Variants in NDUFB8 observed in about 807,000 individuals in gnomAD.
The protein encoded by NDUFB8 is NADH:ubiquinone oxidoreductase subunit B8, also known as NADH dehydrogenase [ubiquinone] 1 beta subcomplex subunit 8, mitochondrial.
A neutral mutation model predicts 26.0 loss-of-function variants in NDUFB8; 17 were observed. The ratio of observed to expected loss-of-function variants is 0.65; its 90% CI spans 0.45 to 0.98. NDUFB8 has a LOEUF of 0.98. Ranked by LOEUF, NDUFB8 falls within the 50% of genes least tolerant of loss-of-function variation. The pLI, the probability that NDUFB8 is intolerant of heterozygous loss-of-function variation, is 0.00. For synonymous variants in NDUFB8, 89 were observed against 93.1 expected, an observed-to-expected ratio of 0.96 and a Z score of 0.25; for missense variants, 238 against 255.0, an observed-to-expected ratio of 0.93 and a Z score of 0.45.
intron 2 of NDUFB8, among the ~76,000 whole-genome samples, chr10:100,528,303 A>G (rs1237395885): frequency 6.6e-6 from 1 of 152,192 alleles, no homozygotes; most frequent in South Asian, 2.1e-4. Flanking sequence ...AGGTTTCTGT[A>G]AGTACACTCC....
In NDUFB8 at chr10:100,529,381, C is replaced by T; in HGVS notation, c.211G>A (p.Gly71Arg). The change falls in exon 2 of 5, where the codon GGG (glycine) becomes AGG (arginine). Residue 71 changes from glycine (G) to arginine (R), a missense_variant and splice_region_variant. Physicochemically the swap from Gly to Arg is moderately radical, Grantham distance 125. Coordinates refer to ENST00000299166, the MANE Select transcript of NDUFB8 (RefSeq NM_005004.4). ...GCGAGCATACCCTCTCTGTCTCACC[C>T]CATGCCATCATCCGGGTAAGGTTCG... Reference protein sequence around the residue: ...DYEPYPDDGMGYGDYPKLPDR... With the variant: ...DYEPYPDDGMRYGDYPKLPDR... The T allele has an allele frequency of 6.2e-7, 1 of 1,607,554 alleles. No homozygotes were observed. The highest frequency in any genetic ancestry group is 8.5e-7 in the Non-Finnish European group (1 of 1,177,918).
intron 4 of NDUFB8, among the ~76,000 whole-genome samples, chr10:100,525,054 C>T (rs889607732): frequency 2.0e-5 from 3 of 152,176 alleles, no homozygotes; most frequent in Admixed American, 2.0e-4. Flanking sequence ...AATCTAGGTG[C>T]ACATCAGAAT....
In NDUFB8 at chr10:100,529,372, T is replaced by G; in HGVS notation, c.212+8A>C. On this transcript the variant is annotated splice_region_variant and intron_variant, in intron 2 of 4. Coordinates refer to ENST00000299166, the MANE Select transcript of NDUFB8 (RefSeq NM_005004.4). ...TACTTGGGTGCGAGCATACCCTCTCTGTCTCACCCCATGCCATCATCCGGG... is the reference window on the plus strand; with the variant it reads ...TACTTGGGTGCGAGCATACCCTCTCGGTCTCACCCCATGCCATCATCCGGG... 1 of 1,595,708 alleles carries G rather than the reference T, an allele frequency of 6.3e-7. No individual in the cohort carries two copies. The highest frequency in any genetic ancestry group is 8.5e-7 in the Non-Finnish European group (1 of 1,173,200).
intron 2 of NDUFB8, among the ~76,000 whole-genome samples, chr10:100,528,796 ATAAT>A (rs1342628708): frequency 1.3e-5 from 2 of 152,252 alleles, no homozygotes; most frequent in African/African-American, 4.8e-5. Flanking sequence ...ATCACTTCAG[ATAAT>A]TAACCATTGG....
intron 4 of NDUFB8, 119 bp downstream of exon 4, chr10:100,526,280 C>G: frequency 2.5e-6 from 3 of 1,207,568 alleles, no homozygotes; most frequent in South Asian, 3.5e-5. Flanking sequence ...ATCTTCCTAT[C>G]TCCTAAGACT....
intron 4 of NDUFB8, 42 bp from the exon 5 acceptor site, chr10:100,523,971 C>T (rs1852001300): frequency 6.2e-7 from 1 of 1,613,180 alleles, no homozygotes; most frequent in Non-Finnish European, 8.5e-7. Flanking sequence ...TACATTCAGT[C>T]AATACCTGGC....
In NDUFB8 at chr10:100,524,198, G is replaced by T; in HGVS notation, c.469-269C>A. ...GGGTTAGGGAAAGGAGGGGAAGGGA[G>T]GAAGACAGGGAGGGAGGTAAAGAAA... On this transcript the variant is annotated intron_variant, in intron 4 of 4. Transcript: ENST00000299166. This position sits in a 1 kb window ranked among gnomAD's most constrained non-coding sequence, Gnocchi z 4.0. 1 of 1,414,614 alleles carries T rather than the reference G, an allele frequency of 7.1e-7. No homozygotes were observed. The highest frequency in any genetic ancestry group is 9.8e-7 in the Non-Finnish European group (1 of 1,021,532). The allele number at this position is 1,414,614 out of a possible 1,614,324, so 87.6% of individuals were successfully genotyped here.
intron 2 of NDUFB8, 32 bp downstream of exon 2, chr10:100,529,348 A>G (rs770106116): frequency 1.0e-5 from 16 of 1,558,526 alleles, no homozygotes; most frequent in Non-Finnish European, 4.3e-6. Flanking sequence ...TCCCATCACT[A>G]CTTGGGTGCG....
At chr10:100,529,332 G>T in intron 2 of NDUFB8, 48 bp downstream of exon 2, 1 of 1,509,438 alleles carries the variant, frequency 6.6e-7, no homozygotes, top group South Asian at 1.3e-5. Context: ...AACCCAGCCG[G>T]CCTTCTCCCA....
At chr10:100,526,278 A>G in intron 4 of NDUFB8, 121 bp downstream of exon 4, 1 of 1,182,874 alleles carries the variant, frequency 8.5e-7, no homozygotes, top group Non-Finnish European at 1.1e-6. Flanking sequence ...CTATCTTCCT[A>G]TCTCCTAAGA....
intron 2 of NDUFB8, among the ~76,000 whole-genome samples, chr10:100,527,432 A>G (rs2133711891): frequency 6.6e-6 from 1 of 152,206 alleles, no homozygotes; most frequent in East Asian, 1.9e-4. Context: ...GTGAAACCCC[A>G]CCTTTACTAA....
chr10:100,529,001 T>A (rs1852098621), intron 2 of NDUFB8: 1 of 164,486 alleles, frequency 6.1e-6, no homozygotes, highest in South Asian at 1.6e-4. Context: ...AAGATTCTCA[T>A]GACAGGAGTC....
chr10:100,529,538 A>G, intron 1 of NDUFB8, 32 bp from the exon 2 acceptor site: 1 of 1,604,382 alleles, frequency 6.2e-7, no homozygotes, highest in Non-Finnish European at 8.5e-7. Context: ...GTCAGAAGCG[A>G]GCCCGCTCTC....
At position 100,524,985 on chromosome 10, in the gene NDUFB8, A is replaced by C. The variant is rs1211304707; in HGVS notation, c.469-1056T>G. Among the ~76,000 whole-genome samples, 1 of 152,236 alleles carries C rather than the reference A, an allele frequency of 6.6e-6. No homozygotes were observed. The highest frequency in any genetic ancestry group is 1.5e-5 in the Non-Finnish European group (1 of 68,040). ...CCAAATCCCTTAGCAATGAAATAAA[A>C]GCTGCCCAACCTAACTGACCAACTT... On this transcript the variant is annotated intron_variant, in intron 4 of 4. Coordinates refer to ENST00000299166, the MANE Select transcript of NDUFB8 (RefSeq NM_005004.4). The surrounding 1 kb of genome is among the most constrained non-coding windows in gnomAD (Gnocchi z 4.0).
rs1304285002 is a variant in NDUFB8 at position 100,529,520 on chromosome 10, G to A, written c.86-14C>T. 26 of 1,612,120 alleles carry A rather than the reference G, an allele frequency of 1.6e-5. No homozygotes were observed. Among genetic ancestry groups the A allele is most frequent in the Non-Finnish European group, 2.1e-5 (25 of 1,179,458 alleles). ...TCATGTGGGAGGCTAGAACGCAGAA[G>A]AGAACAGGTCAGAAGCGAGCCCGCT... On this transcript the variant is annotated splice_polypyrimidine_tract_variant and intron_variant, in intron 1 of 4. Transcript: ENST00000299166.
Position 100,529,853 on chromosome 10 carries a change from T to G in NDUFB8, c.-2A>C. ...GACCCCGGCCCTGGCCACCGCCATC[T>G]TCACCTTCTTCACGTTTCCCTTCTG... On this transcript the variant is annotated 5_prime_UTR_variant, in exon 1 of 5. Coordinates refer to ENST00000299166, the MANE Select transcript of NDUFB8 (RefSeq NM_005004.4). 6.2e-7 allele frequency: 1 copy of G among 1,613,764 alleles called. No individual in the cohort carries two copies. Among genetic ancestry groups the G allele is most frequent in the Non-Finnish European group, 8.5e-7 (1 of 1,179,834 alleles).
At chr10:100,529,580 C>A in intron 1 of NDUFB8, 74 bp from the exon 2 acceptor site, 1 of 1,593,980 alleles carries the variant, frequency 6.3e-7, no homozygotes. Flanking sequence ...GTCGCAGGGG[C>A]TGCAGAGGTC....
rs142073536 is a variant in NDUFB8 at position 100,529,834 on chromosome 10, G to T, written c.18C>A (p.Ala6=). The T allele has an allele frequency of 6.2e-7, 1 of 1,606,428 alleles. No homozygotes were observed. The highest frequency in any genetic ancestry group is 1.7e-5 in the Admixed American group (1 of 59,208). ...GCAGCCACTGGACTCCCAAGACCCC[G>T]GCCCTGGCCACCGCCATCTTCACCT... MAVAR[A]GVLGVQWLQR... The change falls in exon 1 of 5, where the codon GCC becomes GCA. Residue 6 remains alanine (A), a synonymous_variant. Transcript: ENST00000299166.
At chr10:100,528,779 G>A (rs151119072) in intron 2 of NDUFB8, among the ~76,000 whole-genome samples, 1 of 152,302 alleles carries the variant, frequency 6.6e-6, no homozygotes, top group Non-Finnish European at 1.5e-5. Context: ...AAATAAAGGC[G>A]ATGATAATCA....
Sources: allele counts gnomAD v4.1 joint callset (sites outside exome capture counted in the v4.1 genomes callset), GRCh38; gene constraint gnomAD v4.1.1; non-coding constraint Gnocchi (gnomAD v3.1); transcripts MANE v1.5; gene names NCBI Gene and HGNC (gene_info 2026-07-23, HGNC 2026-07-21).